Variants in OXR1 observed in about 807,000 individuals in gnomAD.
OXR1 encodes oxidation resistance protein 1.
Under a neutral mutation model 104.6 loss-of-function variants are expected in OXR1, and 41 were observed. The ratio of observed to expected loss-of-function variants is 0.39; its 90% CI spans 0.31 to 0.51. OXR1 has a LOEUF of 0.51. Ranked by LOEUF, OXR1 falls within the 20% of genes least tolerant of loss-of-function variation. The probability of loss-of-function intolerance (pLI) is 0.77; values close to 1 mark genes in which losing one functional copy is unlikely to be tolerated. For synonymous variants in OXR1, 348 were observed against 348.4 expected, an observed-to-expected ratio of 1.00 and a Z score of 0.01; for missense variants, 955 against 1,031.9, an observed-to-expected ratio of 0.93 and a Z score of 1.02.
intron 10 of OXR1, among the ~76,000 whole-genome samples, chr8:106,713,222 A>C (rs1156604353): frequency 1.3e-5 from 2 of 151,972 alleles, no homozygotes; most frequent in African/African-American, 2.4e-5. Context: ...AAAACCAATA[A>C]AACGTAGATA....
intron 3 of OXR1, among the ~76,000 whole-genome samples, chr8:106,607,733 T>C (rs1000911387): frequency 3.3e-5 from 5 of 152,242 alleles, no homozygotes; most frequent in African/African-American, 9.6e-5. Flanking sequence ...CTTAGACATT[T>C]TGCATACATT....
intron 3 of OXR1, among the ~76,000 whole-genome samples, chr8:106,575,701 A>T (rs1586834684): frequency 7.8e-5 from 1 of 12,790 alleles, no homozygotes; most frequent in African/African-American, 4.8e-4. Flanking sequence ...GAATATATTA[A>T]AAAAAAAAAA....
chr8:106,272,579 A>C (rs1439003332), intron 1 of OXR1: 1 of 152,242 alleles, frequency 6.6e-6, no homozygotes, highest in Non-Finnish European at 1.5e-5. Context: ...GTTGTCTTGC[A>C]AGGTGATGTC....
At chr8:106,522,015 C>T (rs112863046) in intron 3 of OXR1, among the ~76,000 whole-genome samples, 8 of 152,080 alleles carry the variant, frequency 5.3e-5, no homozygotes, top group Non-Finnish European at 7.4e-5. Context: ...CAAGTAAGTG[C>T]ATTTAAATTT....
At chr8:106,574,045 G>A (rs1478722427) in intron 3 of OXR1, among the ~76,000 whole-genome samples, 2 of 152,180 alleles carry the variant, frequency 1.3e-5, no homozygotes, top group Non-Finnish European at 2.9e-5. Context: ...GGCTATTTAA[G>A]ATTAGCTATT....
At chr8:106,666,278 G>C (rs1325516121) in intron 3 of OXR1, among the ~76,000 whole-genome samples, 1 of 152,124 alleles carries the variant, frequency 6.6e-6, no homozygotes, top group East Asian at 1.9e-4. Context: ...AGAATTTTTT[G>C]AGGTGATGAA....
At chr8:106,694,929 A>ATATATATAAATATAAAATATT (rs544024878) in intron 7 of OXR1, among the ~76,000 whole-genome samples, 12 of 106,750 alleles carry the variant, frequency 1.1e-4, no homozygotes, top group African/African-American at 2.8e-4. Flanking sequence ...ATATATATTT[A>ATATATATAAATATAAAATATT]TATATATATA....
chr8:106,294,612 CAGAA>C (rs944937937), intron 1 of OXR1, among the ~76,000 whole-genome samples: 4 of 151,598 alleles, frequency 2.6e-5, no homozygotes, highest in Non-Finnish European at 2.9e-5. Flanking sequence ...GACAGAGAGA[CAGAA>C]AGAGAGAGAG....
At chr8:106,356,386 T>A (rs1815972646) in intron 1 of OXR1, among the ~76,000 whole-genome samples, 1 of 152,134 alleles carries the variant, frequency 6.6e-6, no homozygotes, top group South Asian at 2.1e-4. Flanking sequence ...CACCTAAAGT[T>A]TAGTCAAACT....
intron 2 of OXR1, among the ~76,000 whole-genome samples, chr8:106,405,304 C>A (rs930985216): frequency 8.7e-5 from 13 of 149,164 alleles, no homozygotes; most frequent in African/African-American, 3.2e-4. Flanking sequence ...GGTGCAAATC[C>A]AGGAAAGCTG....
chr8:106,609,111 G>T (rs906369461), intron 3 of OXR1, among the ~76,000 whole-genome samples: 1 of 151,962 alleles, frequency 6.6e-6, no homozygotes, highest in African/African-American at 2.4e-5. Flanking sequence ...CTTAGTAAAA[G>T]GAAGAATGTG....
At chr8:106,532,499 A>G (rs1005520526) in intron 3 of OXR1, among the ~76,000 whole-genome samples, 3 of 152,212 alleles carry the variant, frequency 2.0e-5, no homozygotes, top group Admixed American at 6.5e-5. Context: ...TAATGTATAT[A>G]AATTGCTTAA....
chr8:106,483,689 C>G (rs1298345275), intron 2 of OXR1, among the ~76,000 whole-genome samples: 1 of 151,982 alleles, frequency 6.6e-6, no homozygotes, highest in African/African-American at 2.4e-5. Context: ...ATGTATTAGT[C>G]TTATGGTAAT....
chr8:106,384,489 C>T (rs1021091518), intron 2 of OXR1, among the ~76,000 whole-genome samples: 5 of 152,154 alleles, frequency 3.3e-5, no homozygotes, highest in Non-Finnish European at 5.9e-5. Context: ...AAAGTGACTT[C>T]ATAGCTTCAT....
intron 11 of OXR1, among the ~76,000 whole-genome samples, chr8:106,730,021 T>A (rs1386067848): frequency 6.6e-6 from 1 of 152,178 alleles, no homozygotes; most frequent in Non-Finnish European, 1.5e-5. Flanking sequence ...CTCATATTGG[T>A]AACCACCTCT....
intron 1 of OXR1, among the ~76,000 whole-genome samples, chr8:106,330,661 T>C (rs1000410788): frequency 3.9e-5 from 6 of 152,198 alleles, no homozygotes; most frequent in African/African-American, 1.4e-4. Flanking sequence ...TTATGACTTG[T>C]CTTCTTAAGA....
chr8:106,312,737 T>C (rs1000996046), intron 1 of OXR1, among the ~76,000 whole-genome samples: 1 of 152,216 alleles, frequency 6.6e-6, no homozygotes, highest in Non-Finnish European at 1.5e-5. Context: ...AAGCCATTTA[T>C]AAAGCTTAAA....
chr8:106,644,385 A>G (rs908930283), intron 3 of OXR1, among the ~76,000 whole-genome samples: 1 of 152,246 alleles, frequency 6.6e-6, no homozygotes, highest in South Asian at 2.1e-4. Context: ...TGCAAAATCT[A>G]TCAGTCAAAA....
intron 2 of OXR1, among the ~76,000 whole-genome samples, chr8:106,498,089 G>T (rs529053249): frequency 6.6e-6 from 1 of 151,986 alleles, no homozygotes; most frequent in African/African-American, 2.4e-5. Context: ...GCTTATAGTC[G>T]TCCTTAAGCA....
Sources: allele counts gnomAD v4.1 joint callset (sites outside exome capture counted in the v4.1 genomes callset), GRCh38; gene constraint gnomAD v4.1.1; transcripts MANE v1.5; gene names NCBI Gene and HGNC (gene_info 2026-07-23, HGNC 2026-07-21).